Variants in RAP1GAP2 observed in about 807,000 individuals in gnomAD.
RAP1GAP2 encodes the protein RAP1 GTPase activating protein 2, also known as rap1 GTPase-activating protein 2.
A neutral mutation model predicts 95.0 loss-of-function variants in RAP1GAP2; 27 were observed. The ratio of observed to expected loss-of-function variants is 0.28; its 90% CI spans 0.21 to 0.39. RAP1GAP2 has a LOEUF of 0.39. Ranked by LOEUF, RAP1GAP2 falls within the 10% of genes least tolerant of loss-of-function variation. The pLI is 1.00. For missense variants in RAP1GAP2, 771 were observed against 970.0 expected, an observed-to-expected ratio of 0.79 and a Z score of 2.72; for synonymous variants, 373 against 380.9, an observed-to-expected ratio of 0.98 and a Z score of 0.24.
At chr17:2,990,386 A>G (rs1469825168) in intron 11 of RAP1GAP2, among the ~76,000 whole-genome samples, 2 of 152,186 alleles carry the variant, frequency 1.3e-5, no homozygotes, top group African/African-American at 4.8e-5. Context: ...GCCAGATCAT[A>G]TGGTGACTCT....
chr17:2,910,462 C>G (rs2042335935), intron 3 of RAP1GAP2, among the ~76,000 whole-genome samples: 1 of 152,196 alleles, frequency 6.6e-6, no homozygotes, highest in African/African-American at 2.4e-5. Flanking sequence ...CCGAGGGTCC[C>G]TGGCCCTGAG....
At chr17:2,785,204 C>T (rs1050325949) in intron 1 of RAP1GAP2, among the ~76,000 whole-genome samples, 4 of 152,118 alleles carry the variant, frequency 2.6e-5, no homozygotes, top group Non-Finnish European at 5.9e-5. Context: ...TCCCATCTAA[C>T]GCAGCCCTCA....
intron 8 of RAP1GAP2, among the ~76,000 whole-genome samples, chr17:2,967,152 A>T (rs1989145): frequency 3.3e-5 from 5 of 151,784 alleles, no homozygotes; most frequent in Non-Finnish European, 4.4e-5. Context: ...GTGGATCACG[A>T]GGTCAGGAGA....
chr17:3,010,724 C>T (rs1485077761), intron 17 of RAP1GAP2, among the ~76,000 whole-genome samples: 7 of 152,232 alleles, frequency 4.6e-5, no homozygotes, highest in Non-Finnish European at 8.8e-5. Flanking sequence ...GACTTTATCA[C>T]GACTCATCTT....
chr17:2,852,257 G>C (rs964837520), intron 2 of RAP1GAP2, among the ~76,000 whole-genome samples: 1 of 150,880 alleles, frequency 6.6e-6, no homozygotes, highest in Non-Finnish European at 1.5e-5. Flanking sequence ...TGGGGCCCGG[G>C]TCATTCAAAT....
chr17:2,881,978 G>A (rs751786146), intron 2 of RAP1GAP2, among the ~76,000 whole-genome samples: 3 of 151,674 alleles, frequency 2.0e-5, no homozygotes, highest in Admixed American at 2.0e-4. Flanking sequence ...CTGCCACCAC[G>A]CCTGGCTAAT....
At chr17:2,861,671 G>A (rs2072400198) in intron 2 of RAP1GAP2, among the ~76,000 whole-genome samples, 1 of 150,094 alleles carries the variant, frequency 6.7e-6, no homozygotes, top group Non-Finnish European at 1.5e-5. Flanking sequence ...ACGGAGTCTC[G>A]CTCTGTCGCC....
rs1044808403 is a variant in RAP1GAP2, at chr17:3,037,371, C to G, written c.*4010C>G. The G allele has an allele frequency of 5.3e-5, 4 of 75,466 alleles. 1 individual carries two copies. Among genetic ancestry groups the G allele is most frequent in the Non-Finnish European group, 1.3e-4 (3 of 22,760 alleles). 4.7% of individuals were successfully genotyped at this position (75,466 alleles called of 1,614,324 possible). On this transcript the variant is annotated 3_prime_UTR_variant, in exon 25 of 25. Coordinates refer to ENST00000254695, the MANE Select transcript of RAP1GAP2 (RefSeq NM_015085.5). ...TGCTTGGAAGTGTGAACTACCCCCC[C>G]CCCCCCGCTTCCTGCTCCTTAGCAT...
At chr17:2,994,107 C>T (rs2045873576) in intron 12 of RAP1GAP2, among the ~76,000 whole-genome samples, 1 of 152,114 alleles carries the variant, frequency 6.6e-6, no homozygotes, top group South Asian at 2.1e-4. Flanking sequence ...CCCAGAAGGT[C>T]CTCAGAGTTA....
chr17:2,981,781 A>G (rs973687625), intron 10 of RAP1GAP2, among the ~76,000 whole-genome samples: 1 of 152,190 alleles, frequency 6.6e-6, no homozygotes, highest in Non-Finnish European at 1.5e-5. Flanking sequence ...TACTGACCCC[A>G]GTTCTGATAT....
chr17:2,842,327 C>T (rs1247604370), intron 2 of RAP1GAP2, among the ~76,000 whole-genome samples: 1 of 151,956 alleles, frequency 6.6e-6, no homozygotes, highest in Non-Finnish European at 1.5e-5. Context: ...GTCAGGAGTT[C>T]GAGACCAGCC....
intron 2 of RAP1GAP2, among the ~76,000 whole-genome samples, chr17:2,851,080 G>GA (rs1296346989): frequency 2.0e-5 from 3 of 150,972 alleles, no homozygotes; most frequent in Non-Finnish European, 4.4e-5. Context: ...AAAAAAAAGT[G>GA]AAAAAGTAAG....
chr17:2,855,006 C>T lies in RAP1GAP2; in HGVS notation c.81-50278C>T, dbSNP rs1380600949. Among the ~76,000 whole-genome samples the T allele has an allele frequency of 2.0e-5, 3 of 152,134 alleles. No individual in the cohort carries two copies. Among genetic ancestry groups the T allele is most frequent in the Non-Finnish European group, 2.9e-5 (2 of 68,018 alleles). On this transcript the variant is annotated intron_variant, in intron 2 of 24. Coordinates refer to ENST00000254695, the MANE Select transcript of RAP1GAP2 (RefSeq NM_015085.5). This position sits in a 1 kb window ranked among gnomAD's most constrained non-coding sequence, Gnocchi z 4.3. ...GTTTTGGAATGGTTAATACCGCACCCTATAAGACACGGGCAGTGGAACCAG... is the reference window on the plus strand; with the variant it reads ...GTTTTGGAATGGTTAATACCGCACCTTATAAGACACGGGCAGTGGAACCAG...
chr17:2,920,304 A>G (rs2042716783), intron 3 of RAP1GAP2, among the ~76,000 whole-genome samples: 1 of 151,784 alleles, frequency 6.6e-6, no homozygotes, highest in African/African-American at 2.4e-5. Context: ...TCTCCCCTTG[A>G]TGGCATTCAG....
At chr17:2,897,935 T>C in intron 2 of RAP1GAP2, among the ~76,000 whole-genome samples, 1 of 150,296 alleles carries the variant, frequency 6.7e-6, no homozygotes, top group Non-Finnish European at 1.5e-5. Context: ...TTTTTTTTTT[T>C]TTTGAGACAG....
In RAP1GAP2 at chr17:3,032,412, G is replaced by A. The variant is rs752746826; in HGVS notation, c.2186G>A (p.Gly729Asp). 1.9e-6 allele frequency: 3 copies of A among 1,613,852 alleles called. No individual in the cohort carries two copies. In the South Asian group the frequency reaches 3.3e-5, roughly 18 times the overall value. Residue 729 changes from glycine to aspartate, a missense_variant and splice_region_variant, in exon 24 of 25, where the codon GGT (glycine) becomes GAT (aspartate). Coordinates refer to ENST00000254695, the MANE Select transcript of RAP1GAP2 (RefSeq NM_015085.5). ...DKLSHASSGAGH is the reference protein window; with the variant it reads ...DKLSHASSGADH ...CTGTATGGATTTTTGTTGAAACAGG[G>A]TCACTAATGTGAAAGTGGAGTCCTT...
chr17:2,789,267 C>T (rs1336504898), intron 1 of RAP1GAP2, among the ~76,000 whole-genome samples: 11 of 152,056 alleles, frequency 7.2e-5, no homozygotes, highest in Admixed American at 6.6e-5. Context: ...ACACTGGTCT[C>T]GAACTCCTGA....
chr17:2,921,721 C>G (rs1308877414), intron 3 of RAP1GAP2, among the ~76,000 whole-genome samples: 1 of 151,690 alleles, frequency 6.6e-6, no homozygotes, highest in Non-Finnish European at 1.5e-5. Context: ...GTCCACAGGG[C>G]CGTTAAGGTG....
intron 3 of RAP1GAP2, among the ~76,000 whole-genome samples, chr17:2,908,445 A>G (rs1425193280): frequency 1.3e-5 from 2 of 152,182 alleles, no homozygotes; most frequent in Admixed American, 6.5e-5. Context: ...AATGCATGGC[A>G]GGGAACAGAG....
Sources: allele counts gnomAD v4.1 joint callset (sites outside exome capture counted in the v4.1 genomes callset), GRCh38; gene constraint gnomAD v4.1.1; non-coding constraint Gnocchi (gnomAD v3.1); transcripts MANE v1.5; gene names NCBI Gene and HGNC (gene_info 2026-07-23, HGNC 2026-07-21).